The following SEZ6L2 variants were observed in gnomAD, a reference collection of about 807,000 sequenced individuals.
SEZ6L2 encodes seizure 6-like protein 2.
Under a neutral mutation model 97.0 loss-of-function variants are expected in SEZ6L2, and 44 were observed. The ratio of observed to expected loss-of-function variants is 0.45; its 90% CI spans 0.36 to 0.58. The LOEUF is 0.58. Among genes scored for constraint, SEZ6L2 ranks in the 20% least tolerant of loss-of-function variants. The probability of loss-of-function intolerance (pLI) is 0.00; values close to 1 mark genes in which losing one functional copy is unlikely to be tolerated. For synonymous variants in SEZ6L2, 543 were observed against 546.1 expected (o/e 0.99, Z 0.08); for missense variants, 1,086 against 1,233.3 (o/e 0.88, Z 1.79).
rs1567429358 is a variant in SEZ6L2, at chr16:29,897,046, G to T, written c.287C>A (p.Thr96Asn). ...TGTCAGAGGCCCTGTCCCCGGCTCA[G>T]TGGCCCGTGGCAGGGAGGGCACTGC... ...TLAVPSLPRA[T>N]EPGTGPLTTA... is the part of the protein sequence containing the mutation. The change falls in exon 3 of 18, where the codon ACT becomes AAT. Residue 96 changes from threonine to asparagine, a missense_variant. By Grantham distance (65) the Thr-to-Asn change is moderately conservative. Around this residue, in one of 2 missense-constraint regions of SEZ6L2, gnomAD observed 776 missense variants for 794.7 expected, o/e 0.98. Transcript: ENST00000617533. 1 of 1,580,744 alleles carries T rather than the reference G, an allele frequency of 6.3e-7. No individual in the cohort carries two copies. Among genetic ancestry groups the T allele is most frequent in the Non-Finnish European group, 8.5e-7 (1 of 1,170,458 alleles).
intron 12 of SEZ6L2, among the ~76,000 whole-genome samples, chr16:29,875,237 C>G (rs990717559): frequency 6.6e-6 from 1 of 152,184 alleles, no homozygotes; most frequent in African/African-American, 2.4e-5. Flanking sequence ...TCCCTTGGAG[C>G]CCAGGGCTCA....
In SEZ6L2 at chr16:29,899,108, T is replaced by C. The variant is rs1003642825; in HGVS notation, c.-89A>G. The C allele has an allele frequency of 3.9e-6, 3 of 769,870 alleles. No individual in the cohort carries two copies. Among genetic ancestry groups the C allele is most frequent in the Non-Finnish European group, 5.9e-6 (3 of 504,490 alleles). The allele number at this position is 769,870 out of a possible 1,614,324, so 47.7% of individuals were successfully genotyped here. On this transcript the variant is annotated 5_prime_UTR_variant, in exon 1 of 18. Coordinates refer to ENST00000617533, the MANE Select transcript of SEZ6L2 (RefSeq NM_001243332.2). ...CGTCTCCGTTTATCTTTCCCTTTAA[T>C]TGTTTTTTTTTTTTTTTTTTTTTTC...
intron 8 of SEZ6L2, among the ~76,000 whole-genome samples, chr16:29,884,065 T>C (rs1392794628): frequency 2.0e-5 from 3 of 152,218 alleles, no homozygotes; most frequent in African/African-American, 7.2e-5. Flanking sequence ...CATCCCAATT[T>C]TAATTTTGGG....
At position 29,877,456 on chromosome 16, in the gene SEZ6L2, C is replaced by A; in HGVS notation, c.1724G>T (p.Arg575Leu). 3 of 1,594,792 alleles carry A rather than the reference C, an allele frequency of 1.9e-6. No homozygotes were observed. The highest frequency in any genetic ancestry group is 2.6e-6 in the Non-Finnish European group (3 of 1,170,086). Residue 575 changes from arginine to leucine, a missense_variant, in exon 11 of 18, where the codon CGG becomes CTG. Arg to Leu is a moderately radical substitution (Grantham distance 102). This residue lies in a region of SEZ6L2 where 776 missense variants were observed against 794.7 expected (regional missense o/e 0.98). Coordinates refer to ENST00000617533, the MANE Select transcript of SEZ6L2 (RefSeq NM_001243332.2). Reference protein sequence around the residue: ...ILLQVEILNVREGDMLTLFDG... With the variant: ...ILLQVEILNVLEGDMLTLFDG... Reference sequence around the variant, plus strand: ...GAACAGCGTCAGCATGTCCCCTTCCCGCACATTCAATCTGCAGGGGGTGAG... The same window carrying A: ...GAACAGCGTCAGCATGTCCCCTTCCAGCACATTCAATCTGCAGGGGGTGAG...
chr16:29,892,565 G>A (rs775104513), intron 5 of SEZ6L2, among the ~76,000 whole-genome samples: 73 of 152,352 alleles, frequency 4.8e-4, no homozygotes, highest in Non-Finnish European at 9.0e-4. Flanking sequence ...ATGCACACAT[G>A]AGCCCCTAAG....
At chr16:29,896,507 G>A (rs1237601396) in intron 3 of SEZ6L2, among the ~76,000 whole-genome samples, 1 of 152,048 alleles carries the variant, frequency 6.6e-6, no homozygotes, top group Non-Finnish European at 1.5e-5. Context: ...TCGAACTCCC[G>A]ACCTCAGGTG....
chr16:29,896,865 G>A lies in SEZ6L2; in HGVS notation c.468C>T (p.Thr156=). The change falls in exon 3 of 18, where the codon ACC becomes ACT. Residue 156 remains threonine, a synonymous_variant. Coordinates refer to ENST00000617533, the MANE Select transcript of SEZ6L2 (RefSeq NM_001243332.2). ...PEGGEEETTT[T]IITTTTVTTT... is the part of the protein sequence containing the mutation. ...TGGTAACAGTTGTCGTGGTGATGAT[G>A]GTGGTCGTCGTCTCCTCCTCTCCTC... The A allele has an allele frequency of 6.2e-7, 1 of 1,614,060 alleles. No individual in the cohort carries two copies. Among genetic ancestry groups the A allele is most frequent in the South Asian group, 1.1e-5 (1 of 91,076 alleles).
intron 8 of SEZ6L2, among the ~76,000 whole-genome samples, chr16:29,884,421 G>C (rs543380195): frequency 6.6e-6 from 1 of 151,660 alleles, no homozygotes; most frequent in East Asian, 1.9e-4. Flanking sequence ...GTGAAACCCC[G>C]TCTCTACTAA....
intron 3 of SEZ6L2, among the ~76,000 whole-genome samples, chr16:29,896,213 C>T (rs2068385129): frequency 6.6e-6 from 1 of 152,218 alleles, no homozygotes. Flanking sequence ...ATCCTCCTGC[C>T]TTGGCCTCCC....
intron 2 of SEZ6L2, 50 bp downstream of exon 2, chr16:29,897,803 A>T: frequency 6.4e-7 from 1 of 1,553,244 alleles, no homozygotes; most frequent in Non-Finnish European, 8.6e-7. Context: ...CCCTGAGCCC[A>T]TATCCCTCCC....
Position 29,885,683 on chromosome 16 carries a change from G to A in SEZ6L2, c.1275C>T (p.Val425=), listed in dbSNP as rs769199101. ...PVIYDSDMDD[V]PERGLISDAQ... The stretch of plus-strand genomic sequence containing the variant: ...CGTCACTGATGAGACCCCGCTCGGG[G>A]ACATCGTCCATGTCCGAATCATAGA... The change falls in exon 8 of 18, where the codon GTC becomes GTT. Residue 425 remains valine, a synonymous_variant. Transcript: ENST00000617533. The A allele has an allele frequency of 3.7e-6, 6 of 1,613,876 alleles. No homozygotes were observed. Among genetic ancestry groups the A allele is most frequent in the Non-Finnish European group, 5.1e-6 (6 of 1,179,988 alleles).
chr16:29,883,161 A>G (rs867857486), intron 8 of SEZ6L2, among the ~76,000 whole-genome samples: 1 of 152,058 alleles, frequency 6.6e-6, no homozygotes, highest in African/African-American at 2.4e-5. Context: ...AGACCCTCCT[A>G]TCTCTAAGCA....
chr16:29,897,838 C>T lies in SEZ6L2; in HGVS notation c.211+15G>A, dbSNP rs1362921096. 2 of 1,593,854 alleles carry T rather than the reference C, an allele frequency of 1.3e-6. No homozygotes were observed. The highest frequency in any genetic ancestry group is 1.7e-6 in the Non-Finnish European group (2 of 1,173,852). On this transcript the variant is annotated intron_variant, in intron 2 of 17. Coordinates refer to ENST00000617533, the MANE Select transcript of SEZ6L2 (RefSeq NM_001243332.2). The stretch of plus-strand genomic sequence containing the variant: ...CTCTGCCTCTAGGCCACTCCTGCCA[C>T]TCTGGGGGCCTCACCTGGCAGGTAG...
chr16:29,878,558 C>G (rs2067960142), intron 9 of SEZ6L2, 133 bp from the exon 10 acceptor site: 1 of 569,340 alleles, frequency 1.8e-6, no homozygotes, highest in African/African-American at 1.9e-5. Flanking sequence ...CCACCTGTTT[C>G]TTTTATTCTT....
Position 29,873,710 on chromosome 16 carries a change from A to T in SEZ6L2, c.2124T>A (p.Pro708=), listed in dbSNP as rs755619376. ...TGCGGTGCCCGTTGGCAATCTCGCC[A>T]GGGTCAGCACAAGTCATGACTGGTG... ...ACQKIMTCAD[P]GEIANGHRTA... Residue 708 remains proline (P), a synonymous_variant, in exon 13 of 18, where the codon CCT becomes CCA. Transcript: ENST00000617533. The surrounding 1 kb of genome is among the most constrained non-coding windows in gnomAD (Gnocchi z 4.3). The T allele has an allele frequency of 3.1e-6, 5 of 1,597,588 alleles. No individual in the cohort carries two copies. The Admixed American group carries it at 8.4e-5, about 27-fold the overall frequency.
intron 5 of SEZ6L2, among the ~76,000 whole-genome samples, chr16:29,889,209 G>A (rs181877668): frequency 2.4e-4 from 37 of 152,196 alleles, no homozygotes; most frequent in African/African-American, 4.8e-4. Flanking sequence ...TTTGGAGGCC[G>A]AGGCAGGTGG....
intron 12 of SEZ6L2, among the ~76,000 whole-genome samples, chr16:29,875,750 C>T (rs1228978101): frequency 2.0e-5 from 3 of 150,356 alleles, no homozygotes; most frequent in Admixed American, 6.7e-5. Flanking sequence ...GCAACCTCCA[C>T]CTCCCAGGTT....
Position 29,895,858 on chromosome 16 carries a change from G to A in SEZ6L2, c.514C>T (p.Leu172=), listed in dbSNP as rs1047241612. 2.5e-6 allele frequency: 4 copies of A among 1,599,616 alleles called. No homozygotes were observed. The highest frequency in any genetic ancestry group is 3.4e-6 in the Non-Finnish European group (4 of 1,171,584). The part of the protein sequence containing the change: ...TVTTTVTSPV[L]CNNNISEGEG... Reference sequence around the variant, plus strand: ...CCCTCGGAGATGTTGTTATTACACAGAACTGAGGAGATACAAATGGCTGGG... The same window carrying A: ...CCCTCGGAGATGTTGTTATTACACAAAACTGAGGAGATACAAATGGCTGGG... Residue 172 remains leucine, a splice_region_variant and synonymous_variant, in exon 4 of 18, where the codon CTG becomes TTG. Transcript: ENST00000617533.
chr16:29,891,103 A>G (rs1255829747), intron 5 of SEZ6L2, among the ~76,000 whole-genome samples: 1 of 151,830 alleles, frequency 6.6e-6, no homozygotes, highest in Non-Finnish European at 1.5e-5. Flanking sequence ...CACCATGCCC[A>G]GCTAATTTCT....
Sources: gnomAD v4.1 joint callset for allele counts (sites outside exome capture counted in the v4.1 genomes callset) on GRCh38, gnomAD v4.1.1 for gene constraint, gnomAD v4.1.1 regional missense constraint, Gnocchi (gnomAD v3.1) non-coding constraint, MANE v1.5 for transcripts, NCBI Gene and HGNC (gene_info 2026-07-23, HGNC 2026-07-21) for gene names.